ETV1: variants seen among roughly 807,000 people sequenced by gnomAD.
ETV1 encodes ETS translocation variant 1.
Under a neutral mutation model 62.3 loss-of-function variants are expected in ETV1, and 27 were observed. The ratio of observed to expected loss-of-function variants is 0.43; its 90% CI spans 0.32 to 0.60. ETV1 has a LOEUF of 0.60. ETV1 is among the 20% of genes least tolerant of loss of function. The pLI is 0.06. For synonymous variants in ETV1, 222 were observed against 199.6 expected (o/e 1.11, Z -0.94); for missense variants, 605 against 605.8 (o/e 1.00, Z 0.01).
chr7:13,899,315 T>TA (rs1200158747), intron 13 of ETV1, among the ~76,000 whole-genome samples: 1 of 152,188 alleles, frequency 6.6e-6, no homozygotes, highest in Non-Finnish European at 1.5e-5. Context: ...GAGGAGCAGG[T>TA]AGTAAACTGT....
intron 13 of ETV1, among the ~76,000 whole-genome samples, chr7:13,896,310 A>G (rs1206374218): frequency 6.6e-6 from 1 of 152,222 alleles, no homozygotes; most frequent in East Asian, 1.9e-4. Flanking sequence ...TTGACCTTGA[A>G]TAATAATTAA....
At chr7:13,946,837 G>A (rs1191957088) in intron 6 of ETV1, among the ~76,000 whole-genome samples, 1 of 152,004 alleles carries the variant, frequency 6.6e-6, no homozygotes, top group Non-Finnish European at 1.5e-5. Flanking sequence ...CTCCCAGGCT[G>A]GAGTGCAGTG....
Position 13,898,251 on chromosome 7 carries a change from G to T in ETV1, c.1213-2164C>A, listed in dbSNP as rs117627809. Among the ~76,000 whole-genome samples, 918 of 152,218 alleles carry T rather than the reference G, an allele frequency of 6.0e-3. 64 individuals are homozygous for T. In the East Asian group the frequency reaches 0.14, roughly 24 times the overall value. Reference sequence around the variant, plus strand: ...ACACTGAGACAGACAGAAAAAACAGGAATTTTTCCAGGGAGATAAATCAAA... The same window carrying T: ...ACACTGAGACAGACAGAAAAAACAGTAATTTTTCCAGGGAGATAAATCAAA... On this transcript the variant is annotated intron_variant, in intron 13 of 13. Coordinates refer to ENST00000430479, the MANE Select transcript of ETV1 (RefSeq NM_004956.5).
intron 6 of ETV1, among the ~76,000 whole-genome samples, chr7:13,943,276 C>A (rs958411320): frequency 7.2e-5 from 11 of 152,066 alleles, no homozygotes; most frequent in African/African-American, 4.8e-5. Context: ...CAGAAAACTG[C>A]AAAATAATCC....
At position 13,909,590 on chromosome 7, in the gene ETV1, T is replaced by C. The variant is rs370437740; in HGVS notation, c.940+42A>G. 22 of 1,439,038 alleles carry C rather than the reference T, an allele frequency of 1.5e-5. No homozygotes were observed. The African/African-American group carries it at 2.8e-4, about 18-fold the overall frequency. 89.1% of individuals were successfully genotyped at this position (1,439,038 alleles called of 1,614,324 possible). ...AGAAGAAGCGAAGGTAATCACTCCATCTTTAAAAAAATCAGAACTTGAGGC... is the reference window on the plus strand; with the variant it reads ...AGAAGAAGCGAAGGTAATCACTCCACCTTTAAAAAAATCAGAACTTGAGGC... On this transcript the variant is annotated intron_variant, in intron 11 of 13. Transcript: ENST00000430479.
At chr7:13,977,953 C>G (rs777977023) in intron 5 of ETV1, among the ~76,000 whole-genome samples, 1 of 152,132 alleles carries the variant, frequency 6.6e-6, no homozygotes, top group African/African-American at 2.4e-5. Flanking sequence ...GGTATGTTCT[C>G]TGTCCTGCAA....
chr7:13,984,826 C>T (rs1376359897), intron 5 of ETV1, among the ~76,000 whole-genome samples: 1 of 151,300 alleles, frequency 6.6e-6, no homozygotes, highest in African/African-American at 2.4e-5. Context: ...GTTAATAATC[C>T]CGGAGAAAGA....
chr7:13,944,650 G>A (rs981917165), intron 6 of ETV1, among the ~76,000 whole-genome samples: 4 of 145,158 alleles, frequency 2.8e-5, no homozygotes, highest in Admixed American at 2.0e-4. Flanking sequence ...GAACACAGGA[G>A]CCCCAAATCT....
intron 5 of ETV1, 45 bp downstream of exon 5, chr7:13,986,593 C>T (rs760968742): frequency 1.9e-6 from 3 of 1,608,238 alleles, no homozygotes; most frequent in Middle Eastern, 1.7e-4. Context: ...TTTCTTTCTC[C>T]TTCTAGAGTT....
At chr7:13,981,160 T>A (rs1293266137) in intron 5 of ETV1, among the ~76,000 whole-genome samples, 1 of 152,032 alleles carries the variant, frequency 6.6e-6, no homozygotes, top group African/African-American at 2.4e-5. Flanking sequence ...TAAAAGGGGT[T>A]AATATTTAAT....
At position 13,969,031 on chromosome 7, in the gene ETV1, G is replaced by T. The variant is rs11981744; in HGVS notation, c.235+8396C>A. On this transcript the variant is annotated intron_variant, in intron 6 of 13. Transcript: ENST00000430479. ...TAAAATTTTCGCTTTACTGGAAAGG[G>T]GGCTGCTGGGCTTTGTGACAGACAT... is the stretch of plus-strand genomic sequence containing the variant. Among the ~76,000 whole-genome samples, 1,007 of 152,256 alleles carry T rather than the reference G, an allele frequency of 6.6e-3. 13 individuals are homozygous for T. Among genetic ancestry groups the T allele is most frequent in the African/African-American group, 0.023 (962 of 41,544 alleles).
intron 5 of ETV1, 116 bp downstream of exon 5, chr7:13,986,522 G>A: frequency 6.4e-7 from 1 of 1,555,378 alleles, no homozygotes. Context: ...GACACATGAG[G>A]TGGCTCTTTT....
chr7:13,959,848 C>T (rs1344478880), intron 6 of ETV1, among the ~76,000 whole-genome samples: 1 of 146,286 alleles, frequency 6.8e-6, no homozygotes, highest in Non-Finnish European at 1.5e-5. Context: ...ACACCACTGC[C>T]CTCCAGCCTG....
At chr7:13,927,765 A>T (rs1197002322) in intron 9 of ETV1, among the ~76,000 whole-genome samples, 1 of 152,156 alleles carries the variant, frequency 6.6e-6, no homozygotes, top group Non-Finnish European at 1.5e-5. Flanking sequence ...CCACAGATTA[A>T]GTTTTCATAG....
chr7:13,990,642 A>G (rs2128519413), upstream of ETV1: 1 of 152,542 alleles, frequency 6.6e-6, no homozygotes, highest in Middle Eastern at 3.4e-3. Flanking sequence ...GGTTTCAAGG[A>G]CAATAACTAG....
intron 6 of ETV1, among the ~76,000 whole-genome samples, chr7:13,950,035 T>C (rs1788614536): frequency 6.6e-6 from 1 of 152,162 alleles, no homozygotes; most frequent in Non-Finnish European, 1.5e-5. Flanking sequence ...AAAAGTTATG[T>C]GAACTCTCAT....
intron 4 of ETV1, 28 bp from the exon 5 acceptor site, chr7:13,986,713 T>A: frequency 1.9e-6 from 3 of 1,542,584 alleles, no homozygotes; most frequent in Non-Finnish European, 2.7e-6. Flanking sequence ...GACATAAACA[T>A]AAGATTTGCA....
intron 6 of ETV1, among the ~76,000 whole-genome samples, chr7:13,961,114 C>T (rs1460441438): frequency 1.3e-5 from 2 of 151,356 alleles, no homozygotes; most frequent in East Asian, 3.9e-4. Flanking sequence ...CCACTGCACT[C>T]CAGCCTGGAA....
In ETV1 at chr7:13,892,147, AATG is replaced by A. The variant is rs1190595863; in HGVS notation, c.*3716_*3718del. 2.2e-5 allele frequency: 5 copies of A among 232,468 alleles called. No homozygotes were observed. In the East Asian group the frequency reaches 3.1e-4, roughly 14 times the overall value. 14.4% of individuals were successfully genotyped at this position (232,468 alleles called of 1,614,324 possible). A position where few individuals can be genotyped will look rare whatever the true frequency, so the allele number is the denominator to read the frequency against. On this transcript the variant is annotated 3_prime_UTR_variant, in exon 14 of 14. Coordinates refer to ENST00000430479, the MANE Select transcript of ETV1 (RefSeq NM_004956.5). ...ACCTAATAAGTAATAATCACTAGCAAATGATAAGATCACATAGTAACCCATATT... is the reference window on the plus strand; with the variant it reads ...ACCTAATAAGTAATAATCACTAGCAAATAAGATCACATAGTAACCCATATT...
Sources: gnomAD v4.1 joint callset for allele counts (sites outside exome capture counted in the v4.1 genomes callset) on GRCh38, gnomAD v4.1.1 for gene constraint, MANE v1.5 for transcripts, NCBI Gene and HGNC (gene_info 2026-07-23, HGNC 2026-07-21) for gene names.